SPARCL1: variants seen among roughly 807,000 people sequenced by gnomAD.
The protein encoded by SPARCL1 is SPARC-like protein 1.
In SPARCL1, 52 loss-of-function variants were observed where a neutral mutation model predicts 67.1. The ratio of observed to expected loss-of-function variants is 0.78; its 90% CI spans 0.62 to 0.98. The LOEUF is 0.98. SPARCL1 is among the 50% of genes least tolerant of loss of function. The pLI, the probability that SPARCL1 is intolerant of heterozygous loss-of-function variation, is 0.00. For missense variants in SPARCL1, 717 were observed against 782.4 expected (o/e 0.92, Z 1.00); for synonymous variants, 226 against 267.8 (o/e 0.84, Z 1.52).
At chr4:87,484,502 G>T (rs968087095) in intron 7 of SPARCL1, among the ~76,000 whole-genome samples, 1 of 152,188 alleles carries the variant, frequency 6.6e-6, no homozygotes, top group East Asian at 1.9e-4. Context: ...AGTATAGTTT[G>T]AAGTTAGTTA....
chr4:87,508,175 G>A (rs1725183772), intron 1 of SPARCL1, among the ~76,000 whole-genome samples: 1 of 151,970 alleles, frequency 6.6e-6, no homozygotes, highest in Non-Finnish European at 1.5e-5. Context: ...GCTGAGTGGG[G>A]AAACCCGGTA....
intron 7 of SPARCL1, among the ~76,000 whole-genome samples, chr4:87,488,180 C>T (rs1392608722): frequency 6.6e-6 from 1 of 152,176 alleles, no homozygotes. Context: ...GAGGCATTCC[C>T]ATTTTTGGAA....
At chr4:87,501,994 G>A (rs1327024981) in intron 1 of SPARCL1, among the ~76,000 whole-genome samples, 1 of 149,546 alleles carries the variant, frequency 6.7e-6, no homozygotes, top group East Asian at 2.0e-4. Context: ...CTGGAGATAG[G>A]GTTTCGCCAT....
intron 1 of SPARCL1, among the ~76,000 whole-genome samples, chr4:87,516,617 G>T (rs1018884604): frequency 1.3e-5 from 2 of 152,080 alleles, no homozygotes; most frequent in African/African-American, 4.8e-5. Context: ...TTCAGTGAGT[G>T]CTTCCTGACC....
At chr4:87,520,212 A>G (rs1447054860) in intron 1 of SPARCL1, among the ~76,000 whole-genome samples, 2 of 138,058 alleles carry the variant, frequency 1.4e-5, no homozygotes, top group African/African-American at 5.6e-5. Context: ...TGCACACTGT[A>G]CTCTAGCCTG....
chr4:87,485,221 T>C (rs1478076338), intron 7 of SPARCL1, among the ~76,000 whole-genome samples: 1 of 152,184 alleles, frequency 6.6e-6, no homozygotes, highest in East Asian at 1.9e-4. Flanking sequence ...ATAGCTGTTA[T>C]TATTTTGAGA....
intron 7 of SPARCL1, among the ~76,000 whole-genome samples, chr4:87,486,940 T>G (rs1432940523): frequency 7.4e-6 from 1 of 135,680 alleles, no homozygotes; most frequent in Non-Finnish European, 1.6e-5. Flanking sequence ...GCTTTCCAAT[T>G]CTTGGTAAAT....
chr4:87,512,887 T>A (rs1725427317), intron 1 of SPARCL1, among the ~76,000 whole-genome samples: 1 of 152,250 alleles, frequency 6.6e-6, no homozygotes, highest in Non-Finnish European at 1.5e-5. Flanking sequence ...TAGGCTGTAA[T>A]ACTTAATTTG....
intron 10 of SPARCL1, among the ~76,000 whole-genome samples, chr4:87,477,266 A>G (rs1723620145): frequency 6.6e-6 from 1 of 152,214 alleles, no homozygotes; most frequent in African/African-American, 2.4e-5. Flanking sequence ...TTAAAATCAC[A>G]TGTCATATAA....
intron 2 of SPARCL1, among the ~76,000 whole-genome samples, chr4:87,496,684 T>A (rs981251761): frequency 3.9e-5 from 6 of 152,214 alleles, no homozygotes; most frequent in Admixed American, 3.9e-4. Flanking sequence ...GTCAATAATA[T>A]AAACTGCCCA....
chr4:87,503,955 G>T (rs115272416), intron 1 of SPARCL1, among the ~76,000 whole-genome samples: 2,258 of 151,974 alleles, frequency 0.015, 25 homozygotes, highest in Non-Finnish European at 0.023. Context: ...AGCAGCAAAT[G>T]AAGTTTTTAT....
At chr4:87,478,430 A>G (rs1723667363) in intron 10 of SPARCL1, among the ~76,000 whole-genome samples, 3 of 147,972 alleles carry the variant, frequency 2.0e-5, no homozygotes, top group Admixed American at 7.0e-5. Flanking sequence ...CATTGTTTGA[A>G]CATCTTTCAT....
intron 1 of SPARCL1, among the ~76,000 whole-genome samples, chr4:87,525,554 C>T (rs1467213253): frequency 1.3e-5 from 2 of 152,096 alleles, no homozygotes; most frequent in Non-Finnish European, 2.9e-5. Flanking sequence ...TCATGTGAGG[C>T]CATTTCTATT....
intron 1 of SPARCL1, among the ~76,000 whole-genome samples, chr4:87,519,232 G>A (rs574551394): frequency 3.3e-5 from 5 of 152,030 alleles, no homozygotes; most frequent in Non-Finnish European, 7.4e-5. Context: ...AACCACGCCC[G>A]GCTAATTTTT....
intron 4 of SPARCL1, among the ~76,000 whole-genome samples, chr4:87,492,795 T>TGG (rs376647000): frequency 0.34 from 32,543 of 96,242 alleles, 5,243 homozygotes; most frequent in African/African-American, 0.61. Context: ...CACAGGACTT[T>TGG]GTGGCTGCCA....
chr4:87,504,164 T>A (rs1221908050), intron 1 of SPARCL1, among the ~76,000 whole-genome samples: 2 of 105,768 alleles, frequency 1.9e-5, no homozygotes, highest in African/African-American at 7.1e-5. Flanking sequence ...TGTGTGTGTG[T>A]GTGTGTGTGT....
chr4:87,489,255 C>T (rs1027760695), intron 7 of SPARCL1, among the ~76,000 whole-genome samples: 5 of 152,194 alleles, frequency 3.3e-5, no homozygotes, highest in Admixed American at 1.3e-4. Context: ...CTGTGGATTG[C>T]GAAGACTGTG....
chr4:87,483,340 G>A (rs1027562879), intron 7 of SPARCL1, among the ~76,000 whole-genome samples: 2 of 152,070 alleles, frequency 1.3e-5, no homozygotes, highest in African/African-American at 4.8e-5. Context: ...TGCAGTGTTT[G>A]GTTTTCTGTT....
At chr4:87,479,279 G>A (rs953995969) in intron 10 of SPARCL1, 151 bp downstream of exon 10, 54 of 749,164 alleles carry the variant, frequency 7.2e-5, no homozygotes, top group Non-Finnish European at 1.2e-4. Context: ...GACAGCATGT[G>A]CACCAAGGGA....
Sources: allele counts gnomAD v4.1 joint callset (sites outside exome capture counted in the v4.1 genomes callset), GRCh38; gene constraint gnomAD v4.1.1; transcripts MANE v1.5; gene names NCBI Gene and HGNC (gene_info 2026-07-23, HGNC 2026-07-21).